The following EXT2 variants were observed in gnomAD, a reference collection of about 807,000 sequenced individuals.
EXT2 encodes the protein exostosin-2.
Under a neutral mutation model 81.6 loss-of-function variants are expected in EXT2, and 53 were observed. The observed-to-expected ratio is 0.65, with a 90% CI of 0.52 to 0.82. The LOEUF is 0.82. Ranked by LOEUF, EXT2 falls within the 40% of genes least tolerant of loss-of-function variation. The pLI is 0.00. For synonymous variants in EXT2, 320 were observed against 340.0 expected (o/e 0.94, Z 0.65); for missense variants, 774 against 910.2 (o/e 0.85, Z 1.93).
intron 8 of EXT2, among the ~76,000 whole-genome samples, chr11:44,181,797 T>C (rs11607454): frequency 0.049 from 7,533 of 152,298 alleles, 277 homozygotes; most frequent in Non-Finnish European, 0.079. Flanking sequence ...TCAGTTTTTG[T>C]TTGCTATTTT....
intron 3 of EXT2, among the ~76,000 whole-genome samples, chr11:44,110,318 ATATAAT>A (rs761991282): frequency 1.3e-5 from 2 of 152,218 alleles, no homozygotes; most frequent in Admixed American, 1.3e-4. Flanking sequence ...CTGTCTGGAA[ATATAAT>A]TATAACTACA....
Position 44,200,914 on chromosome 11 carries a change from TAATCAATATACTTAAAAAAAGA to T in EXT2, c.1495+2901_1495+2922del, listed in dbSNP as rs1235141481. Among the ~76,000 whole-genome samples the T allele has an allele frequency of 1.3e-5, 2 of 152,180 alleles. 1 individual carries two copies. Among genetic ancestry groups the T allele is most frequent in the African/African-American group, 4.8e-5 (2 of 41,442 alleles). The stretch of plus-strand genomic sequence containing the variant: ...TGGCATCCAACATGGAGAAAACCGT[TAATCAATATACTTAAAAAAAGA>T]AATCCTTAACACAAGGAGTTCTTTT... On this transcript the variant is annotated intron_variant, in intron 9 of 13. Transcript: ENST00000533608.
chr11:44,111,624 A>T (rs1217595992), intron 3 of EXT2, among the ~76,000 whole-genome samples: 1 of 152,056 alleles, frequency 6.6e-6, no homozygotes, highest in African/African-American at 2.4e-5. Flanking sequence ...GTGGGTGTTT[A>T]TTTATTTACT....
chr11:44,181,018 T>C (rs867609703), intron 8 of EXT2, among the ~76,000 whole-genome samples: 18 of 152,174 alleles, frequency 1.2e-4, no homozygotes, highest in African/African-American at 4.3e-4. Flanking sequence ...GGAGAATCAC[T>C]TGAAGCCAGG....
Position 44,099,602 on chromosome 11 carries a change from G to A in EXT2, c.-31+3750G>A, listed in dbSNP as rs537428374. On this transcript the variant is annotated intron_variant, in intron 1 of 13. Coordinates refer to ENST00000533608, the MANE Select transcript of EXT2 (RefSeq NM_207122.2). ...CTCCCAAAGTGCTGGGATTACAGGTGTGAGCCACTGCGTCTGGCTTAAATA... is the reference window on the plus strand; with the variant it reads ...CTCCCAAAGTGCTGGGATTACAGGTATGAGCCACTGCGTCTGGCTTAAATA... 7.9e-5 allele frequency among the ~76,000 whole-genome samples: 12 copies of A among 152,338 alleles called. 1 individual carries two copies. Among genetic ancestry groups the A allele is most frequent in the South Asian group, 6.2e-4 (3 of 4,834 alleles).
At chr11:44,125,008 G>T (rs368977309) in intron 5 of EXT2, 24 bp downstream of exon 5, 4 of 1,609,070 alleles carry the variant, frequency 2.5e-6, no homozygotes, top group African/African-American at 1.3e-5. Context: ...ATTACCTCTC[G>T]CAAAGGCTCA....
At chr11:44,173,220 G>T (rs1205926664) in intron 8 of EXT2, among the ~76,000 whole-genome samples, 2 of 152,148 alleles carry the variant, frequency 1.3e-5, no homozygotes, top group African/African-American at 4.8e-5. Flanking sequence ...TGCCTGAGAG[G>T]AAGTCAGTAT....
intron 10 of EXT2, among the ~76,000 whole-genome samples, chr11:44,222,584 T>C (rs1025519920): frequency 6.6e-6 from 1 of 152,192 alleles, no homozygotes; most frequent in Non-Finnish European, 1.5e-5. Flanking sequence ...TGGACATCCA[T>C]GGGCAAAAAT....
chr11:44,245,506 G>T lies in EXT2; in HGVS notation c.*1219G>T, dbSNP rs117203434. The T allele has an allele frequency of 5.6e-6, 1 of 179,032 alleles. No homozygotes were observed. The highest frequency in any genetic ancestry group is 2.4e-5 in the African/African-American group (1 of 42,310). 11.1% of individuals were successfully genotyped at this position (179,032 alleles called of 1,614,324 possible). A position where few individuals can be genotyped will look rare whatever the true frequency, so the allele number is the denominator to read the frequency against. ...GGCGAATGTTAAATGTTATGGATTCGAAACAGATTTATCTGGCTCTGATAT... is the reference window on the plus strand; with the variant it reads ...GGCGAATGTTAAATGTTATGGATTCTAAACAGATTTATCTGGCTCTGATAT... On this transcript the variant is annotated 3_prime_UTR_variant, in exon 14 of 14. Transcript: ENST00000533608.
At chr11:44,197,328 C>G (rs1955466701) in intron 8 of EXT2, among the ~76,000 whole-genome samples, 1 of 152,070 alleles carries the variant, frequency 6.6e-6, no homozygotes, top group Non-Finnish European at 1.5e-5. Context: ...ATTCCTGAAC[C>G]CTGTGAATTC....
At chr11:44,097,758 CAAAAAATA>C (rs746420869) in intron 1 of EXT2, among the ~76,000 whole-genome samples, 2 of 52,244 alleles carry the variant, frequency 3.8e-5, no homozygotes, top group African/African-American at 3.0e-4. Context: ...GACTCCATCT[CAAAAAATA>C]AATAAATAAA....
intron 7 of EXT2, among the ~76,000 whole-genome samples, chr11:44,145,670 G>A (rs531091425): frequency 6.6e-6 from 1 of 152,324 alleles, no homozygotes; most frequent in African/African-American, 2.4e-5. Flanking sequence ...TTTAGAGGCT[G>A]AGTAGATGGC....
chr11:44,179,760 ATT>A (rs1433323404), intron 8 of EXT2, among the ~76,000 whole-genome samples: 1 of 152,198 alleles, frequency 6.6e-6, no homozygotes, highest in Non-Finnish European at 1.5e-5. Context: ...ATTGATTAAT[ATT>A]TGAGTATAAT....
intron 1 of EXT2, among the ~76,000 whole-genome samples, chr11:44,107,323 G>C (rs553116913): frequency 1.3e-5 from 2 of 152,092 alleles, no homozygotes; most frequent in Admixed American, 6.5e-5. Context: ...GGCTGGGCGC[G>C]GTGGCTTATG....
chr11:44,182,008 T>C (rs191462813), intron 8 of EXT2, among the ~76,000 whole-genome samples: 11 of 152,302 alleles, frequency 7.2e-5, no homozygotes, highest in Admixed American at 7.2e-4. Context: ...GACTGGCTCA[T>C]TGATCAGAGA....
Position 44,114,117 on chromosome 11 carries a change from C to T in EXT2, c.627-68C>T, listed in dbSNP as rs79371935. The T allele has an allele frequency of 1.0e-3, 1,345 of 1,335,816 alleles. 17 individuals are homozygous for T. The African/African-American group carries it at 0.017, about 17-fold the overall frequency. 82.7% of individuals were successfully genotyped at this position (1,335,816 alleles called of 1,614,324 possible). ...AATAAAGACTCAGTAATTCCTGTTCCTCTCCACAGTGTGTATCAGAATAAA... is the reference window on the plus strand; with the variant it reads ...AATAAAGACTCAGTAATTCCTGTTCTTCTCCACAGTGTGTATCAGAATAAA... On this transcript the variant is annotated intron_variant, in intron 3 of 13. Coordinates refer to ENST00000533608, the MANE Select transcript of EXT2 (RefSeq NM_207122.2).
intron 10 of EXT2, among the ~76,000 whole-genome samples, chr11:44,222,430 A>G (rs1393422262): frequency 1.3e-5 from 2 of 152,188 alleles, no homozygotes; most frequent in Non-Finnish European, 2.9e-5. Flanking sequence ...ATTGAATTGA[A>G]TGTGTTTGGA....
At chr11:44,155,937 C>CCCT in intron 7 of EXT2, among the ~76,000 whole-genome samples, 1 of 152,102 alleles carries the variant, frequency 6.6e-6, no homozygotes, top group Non-Finnish European at 1.5e-5. Flanking sequence ...TTGATGAAAT[C>CCCT]CCTCAGCCTT....
intron 8 of EXT2, among the ~76,000 whole-genome samples, chr11:44,187,593 A>G (rs527682708): frequency 6.6e-5 from 10 of 152,320 alleles, no homozygotes; most frequent in Middle Eastern, 3.4e-3. Context: ...AAGTGTTGAT[A>G]ATTATAAGGT....
Sources: allele counts gnomAD v4.1 joint callset (sites outside exome capture counted in the v4.1 genomes callset), GRCh38; gene constraint gnomAD v4.1.1; transcripts MANE v1.5; gene names NCBI Gene and HGNC (gene_info 2026-07-23, HGNC 2026-07-21).